COL5A3: variants seen among roughly 807,000 people sequenced by gnomAD.
COL5A3 encodes the protein collagen type V alpha 3 chain.
Under a neutral mutation model 250.0 loss-of-function variants are expected in COL5A3, and 172 were observed. The observed-to-expected ratio is 0.69, with a 90% confidence interval of 0.61 to 0.78. The LOEUF (loss-of-function observed/expected upper bound fraction) is 0.78. Ranked by LOEUF, COL5A3 falls within the 30% of genes least tolerant of loss-of-function variation. COL5A3 has a pLI of 0.00. For synonymous variants in COL5A3, 937 were observed against 900.4 expected (o/e 1.04, Z -0.73); for missense variants, 2,340 against 2,334.4 (o/e 1.00, Z -0.05).
intron 4 of COL5A3, among the ~76,000 whole-genome samples, chr19:10,004,443 T>C (rs565366321): frequency 1.3e-5 from 2 of 152,216 alleles, no homozygotes; most frequent in Non-Finnish European, 2.9e-5. Flanking sequence ...GTTCAAGTGA[T>C]TCTCAGCCTC....
Position 9,968,664 on chromosome 19 carries a change from G to A in COL5A3, c.4206+11C>T. On this transcript the variant is annotated intron_variant, in intron 58 of 66. Coordinates refer to ENST00000264828, the MANE Select transcript of COL5A3 (RefSeq NM_015719.4). The surrounding 1 kb of genome is among the most constrained non-coding windows in gnomAD (Gnocchi z 4.1). Reference sequence around the variant, plus strand: ...GAGATGGGGAAGAGAATAATGGAATGATGTCCTTACCTTTTCCCCCTTGGG... The same window carrying A: ...GAGATGGGGAAGAGAATAATGGAATAATGTCCTTACCTTTTCCCCCTTGGG... 6.2e-7 allele frequency: 1 copy of A among 1,607,840 alleles called. No homozygotes were observed. Among genetic ancestry groups the A allele is most frequent in the Non-Finnish European group, 8.5e-7 (1 of 1,177,348 alleles).
chr19:9,997,910 C>A, intron 10 of COL5A3, 74 bp downstream of exon 10: 1 of 1,544,528 alleles, frequency 6.5e-7, no homozygotes, highest in Non-Finnish European at 8.9e-7. Flanking sequence ...CACCCCAACT[C>A]CTCACTCCAG....
At chr19:10,001,107 T>TA (rs1339606625) in intron 8 of COL5A3, among the ~76,000 whole-genome samples, 3 of 151,546 alleles carry the variant, frequency 2.0e-5, no homozygotes, top group Admixed American at 6.6e-5. Context: ...AAAGTTTTTT[T>TA]AAAAAAAGAA....
intron 6 of COL5A3, among the ~76,000 whole-genome samples, chr19:10,002,526 C>G (rs2087380028): frequency 6.6e-6 from 1 of 151,126 alleles, no homozygotes; most frequent in Non-Finnish European, 1.5e-5. Context: ...ATTCTAGAAC[C>G]AGAGACCCAC....
chr19:9,981,153 A>G, intron 32 of COL5A3, 21 bp from the exon 33 acceptor site: 1 of 1,612,888 alleles, frequency 6.2e-7, no homozygotes, highest in Non-Finnish European at 8.5e-7. Flanking sequence ...ATTGTAAGAG[A>G]GAAAGCAGAA....
intron 8 of COL5A3, among the ~76,000 whole-genome samples, chr19:10,001,256 C>T (rs1044679344): frequency 3.3e-5 from 5 of 152,026 alleles, no homozygotes; most frequent in Admixed American, 3.3e-4. Flanking sequence ...AGCAATTCTC[C>T]TGCCTCAGCC....
intron 30 of COL5A3, 102 bp from the exon 31 acceptor site, chr19:9,985,997 G>C: frequency 9.5e-7 from 1 of 1,048,008 alleles, no homozygotes; most frequent in Non-Finnish European, 1.5e-6. Context: ...AATGGGATGG[G>C]AGTTGGGGAA....
At chr19:9,991,684 G>A (rs2087192727) in intron 23 of COL5A3, 30 bp from the exon 24 acceptor site, 1 of 1,611,674 alleles carries the variant, frequency 6.2e-7, no homozygotes, top group Non-Finnish European at 8.5e-7. Context: ...ATGAGAGAAG[G>A]CATAAGAAAG....
chr19:9,974,863 TTTTG>T lies in COL5A3; in HGVS notation c.3343-459_3343-456del, dbSNP rs376072991. ...TGGTTAAGAGATTTGAAGATAAGGCTTTTGTTTGTTTGTTTGTTTTTGTTTGTTT... is the reference window on the plus strand; with the variant it reads ...TGGTTAAGAGATTTGAAGATAAGGCTTTTGTTTGTTTGTTTTTGTTTGTTT... On this transcript the variant is annotated intron_variant, in intron 45 of 66. Coordinates refer to ENST00000264828, the MANE Select transcript of COL5A3 (RefSeq NM_015719.4). Among the ~76,000 whole-genome samples, 168 of 152,100 alleles carry T rather than the reference TTTTG, an allele frequency of 1.1e-3. 1 individual carries two copies. The highest frequency in any genetic ancestry group is 1.0e-2 in the South Asian group (48 of 4,810).
intron 8 of COL5A3, among the ~76,000 whole-genome samples, chr19:10,000,724 G>A (rs1208103167): frequency 6.6e-6 from 1 of 152,092 alleles, no homozygotes; most frequent in Admixed American, 6.6e-5. Context: ...TTAGCACAGT[G>A]CCTGACACAA....
At chr19:9,996,016 TG>T in intron 15 of COL5A3, 49 bp downstream of exon 15, 1 of 1,470,168 alleles carries the variant, frequency 6.8e-7, no homozygotes. Context: ...CTTGTGGTCC[TG>T]GGGGAAGGCT....
At chr19:9,973,128 G>A in intron 50 of COL5A3, 102 bp from the exon 51 acceptor site, 1 of 1,084,220 alleles carries the variant, frequency 9.2e-7, no homozygotes, top group Non-Finnish European at 1.3e-6. Flanking sequence ...GACTTTTCTG[G>A]GGTCAGGGTT....
chr19:9,967,319 C>G, intron 62 of COL5A3, 28 bp downstream of exon 62: 2 of 1,405,096 alleles, frequency 1.4e-6, no homozygotes, highest in South Asian at 1.8e-5. Context: ...GTTTTGGTGT[C>G]CATTCCCCCG....
In COL5A3 at chr19:9,966,538, T is replaced by C; in HGVS notation, c.4667A>G (p.Asp1556Gly). The C allele has an allele frequency of 6.5e-7, 1 of 1,544,186 alleles. No homozygotes were observed. The highest frequency in any genetic ancestry group is 1.4e-5 in the African/African-American group (1 of 73,128). ...GTGGCGGGGGGACCGGACCTCACCA[T>C]CAGGCAGGTGCGGGTGGTTGCGGTG... ...ELHRNHPHLP[D>G]GEYWIDPNQG... The change falls in exon 63 of 67, where the codon GAT becomes GGT. Residue 1556 changes from aspartate to glycine, a missense_variant and splice_region_variant. Asp to Gly is a moderately conservative substitution (Grantham distance 94, BLOSUM62 -1). Coordinates refer to ENST00000264828, the MANE Select transcript of COL5A3 (RefSeq NM_015719.4).
chr19:9,976,668 A>T (rs1303902279), intron 44 of COL5A3, 57 bp from the exon 45 acceptor site: 1 of 1,390,960 alleles, frequency 7.2e-7, no homozygotes, highest in Non-Finnish European at 9.9e-7. Flanking sequence ...TAGAGAGGGC[A>T]CTGGAGCTAT....
intron 55 of COL5A3, 88 bp downstream of exon 55, chr19:9,969,781 A>G (rs2145063099): frequency 6.3e-7 from 1 of 1,576,728 alleles, no homozygotes; most frequent in Non-Finnish European, 8.7e-7. Flanking sequence ...GTAGGTGCAC[A>G]GAGTGGTCAT....
In COL5A3 at chr19:9,996,127, G is replaced by C; in HGVS notation, c.1480-8C>G. 1 of 1,571,288 alleles carries C rather than the reference G, an allele frequency of 6.4e-7. No individual in the cohort carries two copies. The highest frequency in any genetic ancestry group is 8.6e-7 in the Non-Finnish European group (1 of 1,161,122). On this transcript the variant is annotated splice_region_variant and splice_polypyrimidine_tract_variant and intron_variant, in intron 14 of 66. Transcript: ENST00000264828. ...TGGATGCCCGGGGAGACCCTTGGGG[G>C]AGGAGAGATGGAGGAGTGTGGGTAG...
At chr19:9,966,238 G>T in intron 64 of COL5A3, 76 bp downstream of exon 64, 1 of 1,103,102 alleles carries the variant, frequency 9.1e-7, no homozygotes, top group Non-Finnish European at 1.4e-6. Flanking sequence ...TAACGTCCCA[G>T]ACAAGGTGGT....
At position 9,988,855 on chromosome 19, in the gene COL5A3, A is replaced by AGAGAGAGAGAAAG. The variant is rs1555738984; in HGVS notation, c.2145+268_2145+269insCTTTCTCTCTCTC. ...TCTCAAAAAAAAAAAAAAAAAAAAA[A>AGAGAGAGAGAAAG]AAAGAAAGTAAAGAAAAGAAAAGGA... is the stretch of plus-strand genomic sequence containing the variant. On this transcript the variant is annotated intron_variant, in intron 27 of 66. Coordinates refer to ENST00000264828, the MANE Select transcript of COL5A3 (RefSeq NM_015719.4). Among the ~76,000 whole-genome samples the AGAGAGAGAGAAAG allele has an allele frequency of 3.9e-4, 41 of 104,728 alleles. 1 individual carries two copies. The highest frequency in any genetic ancestry group is 8.9e-4 in the South Asian group (3 of 3,366). The allele number at this position is 104,728 out of a possible 152,430, so 68.7% of individuals were successfully genotyped here.
Sources: gnomAD v4.1 joint callset for allele counts (sites outside exome capture counted in the v4.1 genomes callset) on GRCh38, gnomAD v4.1.1 for gene constraint, Gnocchi (gnomAD v3.1) non-coding constraint, MANE v1.5 for transcripts, NCBI Gene and HGNC (gene_info 2026-07-23, HGNC 2026-07-21) for gene names.